The following RNF213 variants were observed in gnomAD, a reference collection of about 807,000 sequenced individuals.
The protein encoded by RNF213 is E3 ubiquitin-protein ligase RNF213.
RNF213 carries 341 observed loss-of-function variants against 514.4 expected under a neutral mutation model. That is an observed-to-expected ratio of 0.66 (90% CI 0.61 to 0.73). The LOEUF is 0.73. RNF213 is among the 30% of genes least tolerant of loss of function. RNF213 has a pLI of 0.00. For missense variants in RNF213, 5,767 were observed against 6,615.6 expected (o/e 0.87, Z 4.45); for synonymous variants, 2,655 against 2,658.2 (o/e 1.00, Z 0.04).
At chr17:80,386,166 G>A in intron 61 of RNF213, 84 bp from the exon 62 acceptor site, 2 of 1,342,702 alleles carry the variant, frequency 1.5e-6, no homozygotes, top group Non-Finnish European at 2.1e-6. Flanking sequence ...GGAGCTGATG[G>A]CTTCTGCATC....
In RNF213 at chr17:80,363,205, G is replaced by T; in HGVS notation, c.11459G>T (p.Arg3820Leu). Reference protein sequence around the residue: ...SLPWVHLAYQRFRSRLQNFSR... With the variant: ...SLPWVHLAYQLFRSRLQNFSR... ...CCGTGGGTGCACCTTGCCTACCAGC[G>T]TTTCAGAAGCCGTCTGCAGAACTTT... is the stretch of plus-strand genomic sequence containing the variant. The change falls in exon 40 of 68, where the codon CGT (arginine) becomes CTT (leucine). Residue 3820 changes from arginine to leucine, a missense_variant. Transcript: ENST00000582970. 7 of 1,614,170 alleles carry T rather than the reference G, an allele frequency of 4.3e-6. No homozygotes were observed. The highest frequency in any genetic ancestry group is 5.9e-6 in the Non-Finnish European group (7 of 1,180,022).
At chr17:80,334,013 G>T in intron 21 of RNF213, 92 bp from the exon 22 acceptor site, 1 of 1,444,410 alleles carries the variant, frequency 6.9e-7, no homozygotes, top group Non-Finnish European at 9.4e-7. Flanking sequence ...TTGAGGGAGG[G>T]TGGGGCTGCT....
rs578049901 is a variant in RNF213, at chr17:80,319,771, G to T, written c.3024+459G>T. 2.4e-4 allele frequency: 312 copies of T among 1,276,584 alleles called. 4 individuals are homozygous for T. In the South Asian group the frequency reaches 4.6e-3, roughly 19 times the overall value. The allele number at this position is 1,276,584 out of a possible 1,614,324, so 79.1% of individuals were successfully genotyped here. ...TAGCTCTTTTCGGCAAAGGGGAAGA[G>T]ATTGTGCCCCCCTGTCTCCCAGGAA... On this transcript the variant is annotated intron_variant, in intron 17 of 67. Coordinates refer to ENST00000582970, the MANE Select transcript of RNF213 (RefSeq NM_001256071.3).
intron 46 of RNF213, 170 bp from the exon 47 acceptor site, chr17:80,371,704 A>G (rs1350005539): frequency 1.2e-5 from 7 of 562,514 alleles, no homozygotes. Flanking sequence ...ATATTCCTCC[A>G]GTATTATGCT....
At chr17:80,304,910 G>A (rs1393854620) in intron 11 of RNF213, among the ~76,000 whole-genome samples, 1 of 152,030 alleles carries the variant, frequency 6.6e-6, no homozygotes, top group African/African-American at 2.4e-5. Flanking sequence ...TCTCCTCTCT[G>A]TCTCTAGGAT....
rs2078078265 is a variant in RNF213, at chr17:80,339,233, C to T, written c.4866C>T (p.Ala1622=). ...GCAGTGTGCAGAGGCTCAGCCAGGC[C>T]TTCATCGACCTGCACTCTGCTGGGA... ...VFCSVQRLSQ[A]FIDLHSAGNM... The change falls in exon 26 of 68, where the codon GCC becomes GCT. Residue 1622 remains alanine, a synonymous_variant. Transcript: ENST00000582970. 8 of 1,502,206 alleles carry T rather than the reference C, an allele frequency of 5.3e-6. No individual in the cohort carries two copies. Among genetic ancestry groups the T allele is most frequent in the Non-Finnish European group, 7.1e-6 (8 of 1,127,082 alleles). The allele number at this position is 1,502,206 out of a possible 1,614,324, so 93.1% of individuals were successfully genotyped here.
chr17:80,295,562 G>C lies in RNF213; in HGVS notation c.1761G>C (p.Lys587Asn). Residue 587 changes from lysine (K) to asparagine (N), a missense_variant, in exon 10 of 68, where the codon AAG (lysine) becomes AAC (asparagine). Lys to Asn is a moderately conservative substitution (Grantham distance 94). Coordinates refer to ENST00000582970, the MANE Select transcript of RNF213 (RefSeq NM_001256071.3). Reference sequence around the variant, plus strand: ...TCCTCTTCTCCCACCATCAGGTGAAGAGATACCTGTGGCAACATCTGAAAA... The same window carrying C: ...TCCTCTTCTCCCACCATCAGGTGAACAGATACCTGTGGCAACATCTGAAAA... ...TDLQYREKEV[K>N]RYLWQHLKKH... The C allele has an allele frequency of 6.2e-7, 1 of 1,614,170 alleles. No homozygotes were observed. Among genetic ancestry groups the C allele is most frequent in the Non-Finnish European group, 8.5e-7 (1 of 1,180,020 alleles).
chr17:80,373,260 C>G (rs1324444015), intron 49 of RNF213, 95 bp downstream of exon 49: 7 of 1,011,714 alleles, frequency 6.9e-6, no homozygotes, highest in African/African-American at 5.9e-5. Context: ...CCCTACCCCC[C>G]CCACACCCCA....
intron 11 of RNF213, chr17:80,298,801 C>T (rs1035972940): frequency 1.7e-5 from 4 of 229,434 alleles, no homozygotes; most frequent in South Asian, 6.4e-5. Context: ...CCCGTCTGTA[C>T]GAAAAATACC....
chr17:80,350,010 C>A, intron 30 of RNF213, 104 bp downstream of exon 30: 1 of 1,256,434 alleles, frequency 8.0e-7, no homozygotes, highest in South Asian at 1.2e-5. Flanking sequence ...GCCACAGTCA[C>A]GTGACTGTGA....
chr17:80,325,174 G>A lies in RNF213; in HGVS notation c.3169G>A (p.Val1057Ile), dbSNP rs2046246747. The A allele has an allele frequency of 1.3e-6, 2 of 1,535,096 alleles. No homozygotes were observed. Among genetic ancestry groups the A allele is most frequent in the East Asian group, 2.4e-5 (1 of 40,886 alleles). Residue 1057 changes from valine (V) to isoleucine (I), a missense_variant, in exon 18 of 68, where the codon GTC (valine) becomes ATC (isoleucine). This residue lies in a region of RNF213 where 516 missense variants were observed against 566.5 expected (regional missense o/e 0.91). Coordinates refer to ENST00000582970, the MANE Select transcript of RNF213 (RefSeq NM_001256071.3). The part of the protein sequence containing the change: ...ILKHLLTLAD[V>I]KHVFRLCGTD... ...AAAGCATCTGCTCACGTTGGCAGAT[G>A]TCAAGCACGTCTTCAGATTGTGTGG...
At chr17:80,350,461 A>T in intron 31 of RNF213, 65 bp downstream of exon 31, 1 of 1,026,168 alleles carries the variant, frequency 9.7e-7, no homozygotes. Context: ...GTCCTAGAGA[A>T]TTTTTTCCTT....
chr17:80,286,535 C>T (rs1190594179), intron 3 of RNF213, among the ~76,000 whole-genome samples: 3 of 152,086 alleles, frequency 2.0e-5, no homozygotes, highest in African/African-American at 7.2e-5. Flanking sequence ...CAGGGGCCGA[C>T]CGTCAGCCGA....
intron 2 of RNF213, 113 bp from the exon 3 acceptor site, chr17:80,273,128 C>T (rs1028861623): frequency 7.6e-5 from 109 of 1,429,704 alleles, no homozygotes; most frequent in South Asian, 6.3e-4. Context: ...TGCAGGACCT[C>T]GGAGGGAGAA....
chr17:80,294,827 C>G lies in RNF213; in HGVS notation c.1579C>G (p.Gln527Glu). 1 of 1,614,192 alleles carries G rather than the reference C, an allele frequency of 6.2e-7. No homozygotes were observed. The highest frequency in any genetic ancestry group is 8.5e-7 in the Non-Finnish European group (1 of 1,180,042). ...GAGGAAGGACCTGGTGAAGGGGAAG[C>G]AGATTGCCGCTGCGCTCATGCTGGA... is the stretch of plus-strand genomic sequence containing the variant. ...GPRKDLVKGK[Q>E]IAAALMLDST... is the part of the protein sequence containing the mutation. Residue 527 changes from glutamine (Q) to glutamate (E), a missense_variant, in exon 9 of 68, where the codon CAG (glutamine) becomes GAG (glutamate). Physicochemically the swap from Gln to Glu is conservative, Grantham distance 29. Transcript: ENST00000582970.
At chr17:80,303,207 A>G (rs908785131) in intron 11 of RNF213, among the ~76,000 whole-genome samples, 4 of 152,178 alleles carry the variant, frequency 2.6e-5, no homozygotes, top group African/African-American at 9.7e-5. Context: ...TTGATGAGAG[A>G]GCTCTGGAAA....
intron 3 of RNF213, among the ~76,000 whole-genome samples, chr17:80,286,043 G>C (rs1032835510): frequency 6.6e-6 from 1 of 152,232 alleles, no homozygotes; most frequent in South Asian, 2.1e-4. Flanking sequence ...CCAGATCTCA[G>C]TGAGGCCCTG....
chr17:80,313,279 T>A, intron 15 of RNF213, 112 bp downstream of exon 15: 2 of 1,344,980 alleles, frequency 1.5e-6, no homozygotes, highest in Non-Finnish European at 2.1e-6. Flanking sequence ...GGCCTTCACC[T>A]GAGCCTCAGT....
chr17:80,342,752 ATATATATAT>A (rs2078196844), intron 26 of RNF213, among the ~76,000 whole-genome samples: 1 of 146,122 alleles, frequency 6.8e-6, no homozygotes, highest in African/African-American at 2.5e-5. Flanking sequence ...TATTGTATGT[ATATATATAT>A]TATATATATA....
Sources: gnomAD v4.1 joint callset for allele counts (sites outside exome capture counted in the v4.1 genomes callset) on GRCh38, gnomAD v4.1.1 for gene constraint, gnomAD v4.1.1 regional missense constraint, MANE v1.5 for transcripts, NCBI Gene and HGNC (gene_info 2026-07-23, HGNC 2026-07-21) for gene names.